CTNND2: variants seen among roughly 807,000 people sequenced by gnomAD.
The protein encoded by CTNND2 is catenin delta-2.
CTNND2 carries 22 observed loss-of-function variants against 144.4 expected under a neutral mutation model. The ratio of observed to expected loss-of-function variants is 0.15; its 90% confidence interval spans 0.11 to 0.22. The LOEUF (loss-of-function observed/expected upper bound fraction) is 0.22. Among genes scored for constraint, CTNND2 ranks in the 10% least tolerant of loss-of-function variants. The probability of loss-of-function intolerance (pLI) is 1.00; values close to 1 mark genes in which losing one functional copy is unlikely to be tolerated. For missense variants in CTNND2, 1,353 were observed against 1,618.8 expected (o/e 0.84, Z 2.82); for synonymous variants, 751 against 695.6 (o/e 1.08, Z -1.25).
At chr5:11,807,719 G>C (rs1307270030) in intron 1 of CTNND2, among the ~76,000 whole-genome samples, 1 of 152,008 alleles carries the variant, frequency 6.6e-6, no homozygotes, top group Non-Finnish European at 1.5e-5. Context: ...GTTCACCATC[G>C]CCACGTACTA....
At chr5:11,313,971 C>G (rs899824845) in intron 9 of CTNND2, among the ~76,000 whole-genome samples, 5 of 152,112 alleles carry the variant, frequency 3.3e-5, no homozygotes, top group Non-Finnish European at 7.4e-5. Flanking sequence ...ATCACTAGAA[C>G]AGCAAGGGGG....
At chr5:11,810,286 T>C (rs1421191575) in intron 1 of CTNND2, among the ~76,000 whole-genome samples, 7 of 152,152 alleles carry the variant, frequency 4.6e-5, no homozygotes, top group African/African-American at 1.7e-4. Context: ...TTAAAAGTAA[T>C]TAACAATGCC....
intron 2 of CTNND2, among the ~76,000 whole-genome samples, chr5:11,710,929 C>T (rs190106373): frequency 2.8e-4 from 43 of 152,260 alleles, no homozygotes; most frequent in Admixed American, 2.3e-3. Flanking sequence ...ATAAGAAAAA[C>T]AAGTTTTAAC....
At chr5:11,803,525 G>A (rs892342654) in intron 1 of CTNND2, among the ~76,000 whole-genome samples, 3 of 152,164 alleles carry the variant, frequency 2.0e-5, no homozygotes, top group Non-Finnish European at 4.4e-5. Flanking sequence ...GGAGGTAGAC[G>A]CTATAGGATT....
intron 3 of CTNND2, among the ~76,000 whole-genome samples, chr5:11,558,628 C>A (rs973454315): frequency 3.9e-5 from 6 of 152,046 alleles, no homozygotes; most frequent in Admixed American, 3.3e-4. Flanking sequence ...CTTTGGTCTC[C>A]CAAAGTGCTG....
At chr5:11,688,687 G>C (rs1225090941) in intron 2 of CTNND2, among the ~76,000 whole-genome samples, 2 of 152,150 alleles carry the variant, frequency 1.3e-5, no homozygotes, top group East Asian at 3.9e-4. Context: ...GGAAGTCTCA[G>C]TCCTATAATT....
intron 2 of CTNND2, among the ~76,000 whole-genome samples, chr5:11,643,482 G>A (rs936862759): frequency 5.4e-5 from 8 of 147,422 alleles, no homozygotes; most frequent in East Asian, 4.0e-4. Context: ...GAGAACATGC[G>A]GTGTTTGGTT....
At chr5:11,760,107 T>G (rs1020177697) in intron 1 of CTNND2, among the ~76,000 whole-genome samples, 2 of 148,372 alleles carry the variant, frequency 1.3e-5, no homozygotes, top group Non-Finnish European at 3.0e-5. Flanking sequence ...GGAGAAGCCA[T>G]AGGTAAAATA....
chr5:11,794,823 G>A (rs778407999), intron 1 of CTNND2, among the ~76,000 whole-genome samples: 1 of 152,160 alleles, frequency 6.6e-6, no homozygotes, highest in African/African-American at 2.4e-5. Context: ...GTCTTTCTGG[G>A]TAAGGAATGC....
chr5:11,725,330 G>T (rs1786951913), intron 2 of CTNND2, among the ~76,000 whole-genome samples: 1 of 152,114 alleles, frequency 6.6e-6, no homozygotes, highest in African/African-American at 2.4e-5. Flanking sequence ...TAAAAAATAA[G>T]GTATAGTTGT....
At chr5:11,214,627 C>G (rs1738982455) in intron 10 of CTNND2, among the ~76,000 whole-genome samples, 1 of 152,204 alleles carries the variant, frequency 6.6e-6, no homozygotes, top group African/African-American at 2.4e-5. Context: ...TCAAAATCCT[C>G]TAATGATTCC....
chr5:11,218,992 A>G (rs1739506033), intron 10 of CTNND2, among the ~76,000 whole-genome samples: 2 of 152,210 alleles, frequency 1.3e-5, no homozygotes, highest in Admixed American at 1.3e-4. Flanking sequence ...GTGGCTGGAT[A>G]TGAGATGAGA....
At chr5:11,637,130 G>GA (rs1042945729) in intron 2 of CTNND2, among the ~76,000 whole-genome samples, 5 of 151,856 alleles carry the variant, frequency 3.3e-5, no homozygotes, top group African/African-American at 7.3e-5. Context: ...TATTTTTTAA[G>GA]AAAAAAACCT....
intron 3 of CTNND2, among the ~76,000 whole-genome samples, chr5:11,435,690 C>T (rs1446030123): frequency 1.3e-5 from 2 of 152,192 alleles, no homozygotes; most frequent in Admixed American, 1.3e-4. Context: ...CCTCTTCAAC[C>T]TCACATCACA....
At chr5:11,496,270 G>A (rs1016462683) in intron 3 of CTNND2, among the ~76,000 whole-genome samples, 3 of 152,206 alleles carry the variant, frequency 2.0e-5, no homozygotes, top group African/African-American at 7.2e-5. Context: ...TCAGGAATGA[G>A]TGGTTTCAGG....
chr5:11,882,481 GA>G (rs1736195134), intron 1 of CTNND2, among the ~76,000 whole-genome samples: 1 of 148,508 alleles, frequency 6.7e-6, no homozygotes, highest in Admixed American at 6.8e-5. Context: ...TTATACCGAA[GA>G]ATCTCTCTCA....
chr5:11,101,772 G>A (rs188737103), intron 14 of CTNND2, among the ~76,000 whole-genome samples: 51 of 152,266 alleles, frequency 3.3e-4, no homozygotes, highest in Non-Finnish European at 6.9e-4. Context: ...ATCAAGTCAG[G>A]AGAGAGAATT....
rs1232442938 is a variant in CTNND2 at position 11,903,214 on chromosome 5, T to G, written c.37+603A>C. On this transcript the variant is annotated intron_variant, in intron 1 of 21. Transcript: ENST00000304623. The surrounding 1 kb of genome is among the most constrained non-coding windows in gnomAD (Gnocchi z 5.4). Reference sequence around the variant, plus strand: ...CTTTCTGGAGCCTGGCTGTCTATTGTCAGCACGCAGAAGCCCCCGAAACCT... The same window carrying G: ...CTTTCTGGAGCCTGGCTGTCTATTGGCAGCACGCAGAAGCCCCCGAAACCT... 9 of 985,312 alleles carry G rather than the reference T, an allele frequency of 9.1e-6. No individual in the cohort carries two copies. Among genetic ancestry groups the G allele is most frequent in the Middle Eastern group, 5.2e-4 (1 of 1,936 alleles). The allele number at this position is 985,312 out of a possible 1,614,324, so 61.0% of individuals were successfully genotyped here. A position where few individuals can be genotyped will look rare whatever the true frequency, so the allele number is the denominator to read the frequency against.
intron 2 of CTNND2, among the ~76,000 whole-genome samples, chr5:11,630,057 A>C (rs192897030): frequency 1.4e-3 from 209 of 152,158 alleles, no homozygotes; most frequent in South Asian, 2.3e-3. Context: ...TTATACGTGC[A>C]TTTTTGAAAA....
Sources: allele counts gnomAD v4.1 joint callset (sites outside exome capture counted in the v4.1 genomes callset), GRCh38; gene constraint gnomAD v4.1.1; non-coding constraint Gnocchi (gnomAD v3.1); transcripts MANE v1.5; gene names NCBI Gene and HGNC (gene_info 2026-07-23, HGNC 2026-07-21).